Variants in CSMD1 observed in about 807,000 individuals in gnomAD.
CSMD1 encodes the protein CUB and sushi domain-containing protein 1.
Under a neutral mutation model 417.5 loss-of-function variants are expected in CSMD1, and 213 were observed. The ratio of observed to expected loss-of-function variants is 0.51; its 90% CI spans 0.46 to 0.57. The LOEUF is 0.57. CSMD1 is among the 20% of genes least tolerant of loss of function. The pLI, the probability that CSMD1 is intolerant of heterozygous loss-of-function variation, is 0.00. For missense variants in CSMD1, 6,923 were observed against 4,529.7 expected (o/e 1.53, Z -15.17); for synonymous variants, 2,862 against 1,736.8 (o/e 1.65, Z -16.11).
intron 4 of CSMD1, among the ~76,000 whole-genome samples, chr8:4,005,466 C>T (rs1040731100): frequency 2.6e-5 from 4 of 152,032 alleles, no homozygotes; most frequent in African/African-American, 7.2e-5. Flanking sequence ...ACATGGTGGC[C>T]GACATGAACA....
chr8:4,411,485 G>C (rs1459808249), intron 3 of CSMD1, among the ~76,000 whole-genome samples: 2 of 152,158 alleles, frequency 1.3e-5, no homozygotes, highest in African/African-American at 4.8e-5. Flanking sequence ...AAGAGCCAGA[G>C]ATCCACTTAA....
At chr8:3,198,130 T>A (rs890877202) in intron 33 of CSMD1, among the ~76,000 whole-genome samples, 1 of 152,244 alleles carries the variant, frequency 6.6e-6, no homozygotes, top group African/African-American at 2.4e-5. Context: ...TAAATAAGCA[T>A]AATTTTTAAA....
At chr8:3,031,230 C>T (rs942107545) in intron 50 of CSMD1, among the ~76,000 whole-genome samples, 16 of 147,826 alleles carry the variant, frequency 1.1e-4, no homozygotes, top group African/African-American at 3.0e-4. Context: ...AAACATGCAC[C>T]GCATGTTCTC....
chr8:4,562,643 G>T (rs1025015121), intron 2 of CSMD1, among the ~76,000 whole-genome samples: 3 of 152,094 alleles, frequency 2.0e-5, no homozygotes, highest in Non-Finnish European at 4.4e-5. Flanking sequence ...AGAAATGTCA[G>T]ATTCTATGGA....
At chr8:4,787,321 CA>C in intron 1 of CSMD1, 1 of 721,654 alleles carries the variant, frequency 1.4e-6, no homozygotes, top group South Asian at 1.5e-5. Flanking sequence ...GCCCTCAGCC[CA>C]CTCAGGATAA....
chr8:3,399,587 C>G lies in CSMD1; in HGVS notation c.2267-58G>C, dbSNP rs538691871. 5 of 1,336,528 alleles carry G rather than the reference C, an allele frequency of 3.7e-6. No individual in the cohort carries two copies. The African/African-American group carries it at 5.9e-5, about 16-fold the overall frequency. 82.8% of individuals were successfully genotyped at this position (1,336,528 alleles called of 1,614,324 possible). The stretch of plus-strand genomic sequence containing the variant: ...AATGAGACAGAAGGATATGCCATAA[C>G]AATACCCGGATAAAAGCCAGAATCT... On this transcript the variant is annotated intron_variant, in intron 15 of 69. Transcript: ENST00000635120.
chr8:4,803,395 A>G (rs2117294874), intron 1 of CSMD1, among the ~76,000 whole-genome samples: 1 of 152,322 alleles, frequency 6.6e-6, no homozygotes, highest in African/African-American at 2.4e-5. Flanking sequence ...CAACATAGTT[A>G]TTAGATACCC....
intron 5 of CSMD1, among the ~76,000 whole-genome samples, chr8:3,946,271 C>G (rs544250616): frequency 6.6e-6 from 1 of 152,122 alleles, no homozygotes; most frequent in African/African-American, 2.4e-5. Context: ...TTAGAGAACA[C>G]AGTAAACTAG....
In CSMD1 at chr8:3,227,060, A is replaced by G. The variant is rs145616954; in HGVS notation, c.4345+2980T>C. Among the ~76,000 whole-genome samples, 164 of 152,312 alleles carry G rather than the reference A, an allele frequency of 1.1e-3. 3 individuals are homozygous for G. In the East Asian group the frequency reaches 0.029, roughly 27 times the overall value. On this transcript the variant is annotated intron_variant, in intron 27 of 69. Coordinates refer to ENST00000635120, the MANE Select transcript of CSMD1 (RefSeq NM_033225.6). ...TGAGTCAGAGAAAACATTAATAAAT[A>G]TATATGGCTGATGGCAGGTTAAATC...
At chr8:3,795,862 GTACAGATATAGATATAT>G (rs1261166429) in intron 5 of CSMD1, among the ~76,000 whole-genome samples, 1 of 58,680 alleles carries the variant, frequency 1.7e-5, no homozygotes, top group Admixed American at 2.0e-4. Context: ...TATCTATCAT[GTACAGATATAGATATAT>G]ATCTATCATG....
At position 3,108,635 on chromosome 8, in the gene CSMD1, G is replaced by A. The variant is rs755235827; in HGVS notation, c.6722C>T (p.Ser2241Leu). 6.2e-7 allele frequency: 1 copy of A among 1,613,790 alleles called. No homozygotes were observed. The highest frequency in any genetic ancestry group is 2.2e-5 in the East Asian group (1 of 44,858). ...ATTGAGGACAAAGAAGCCTCCATTT[G>A]AAAAGTCGCTGTGGAACTTGAGCAG... is the stretch of plus-strand genomic sequence containing the variant. ...QVLLKFHSDF[S>L]NGGFFVLNFH... Residue 2241 changes from serine to leucine, a missense_variant, in exon 44 of 70, where the codon TCA (serine) becomes TTA (leucine). Transcript: ENST00000635120.
At chr8:3,551,439 C>T (rs967325068) in intron 10 of CSMD1, among the ~76,000 whole-genome samples, 6 of 152,126 alleles carry the variant, frequency 3.9e-5, no homozygotes, top group African/African-American at 1.4e-4. Flanking sequence ...AATCTGCACA[C>T]TGACAGCTAA....
intron 3 of CSMD1, among the ~76,000 whole-genome samples, chr8:4,412,316 C>A (rs555143950): frequency 3.3e-5 from 5 of 152,082 alleles, no homozygotes; most frequent in African/African-American, 1.2e-4. Context: ...CTGGACACAG[C>A]GCAAAAGATT....
chr8:3,969,167 T>G (rs1334987374), intron 5 of CSMD1, among the ~76,000 whole-genome samples: 2 of 152,234 alleles, frequency 1.3e-5, no homozygotes, highest in East Asian at 3.9e-4. Context: ...GGAGAATTGC[T>G]TGAACCTGGG....
chr8:4,591,075 C>T (rs1473218956), intron 2 of CSMD1, among the ~76,000 whole-genome samples: 2 of 152,186 alleles, frequency 1.3e-5, no homozygotes, highest in African/African-American at 4.8e-5. Context: ...CAGAAATTCC[C>T]AGGATCTGCT....
intron 39 of CSMD1, among the ~76,000 whole-genome samples, chr8:3,156,482 A>T (rs1290090299): frequency 6.6e-6 from 1 of 152,134 alleles, no homozygotes; most frequent in African/African-American, 2.4e-5. Context: ...ATTAAAGAGC[A>T]ATATCATTAC....
At chr8:4,450,594 G>A (rs1211128589) in intron 2 of CSMD1, among the ~76,000 whole-genome samples, 1 of 152,066 alleles carries the variant, frequency 6.6e-6, no homozygotes, top group African/African-American at 2.4e-5. Flanking sequence ...TCGCACCACT[G>A]CACTCCAGCC....
chr8:4,754,544 G>A (rs903033294), intron 1 of CSMD1, among the ~76,000 whole-genome samples: 1 of 145,430 alleles, frequency 6.9e-6, no homozygotes, highest in Non-Finnish European at 1.5e-5. Context: ...TGCACACTTT[G>A]TTTTTTTTTT....
intron 1 of CSMD1, among the ~76,000 whole-genome samples, chr8:4,670,148 C>G (rs1481591617): frequency 6.6e-6 from 1 of 152,200 alleles, no homozygotes; most frequent in Admixed American, 6.5e-5. Context: ...TATAGTTTTT[C>G]ATCTCCTACA....
Sources: gnomAD v4.1 joint callset for allele counts (sites outside exome capture counted in the v4.1 genomes callset) on GRCh38, gnomAD v4.1.1 for gene constraint, MANE v1.5 for transcripts, NCBI Gene and HGNC (gene_info 2026-07-23, HGNC 2026-07-21) for gene names.